Variants in APBA2 observed in about 807,000 individuals in gnomAD.
APBA2 encodes the protein amyloid-beta A4 precursor protein-binding family A member 2.
APBA2 carries 30 observed loss-of-function variants against 75.0 expected under a neutral mutation model. The ratio of observed to expected loss-of-function variants is 0.40; its 90% confidence interval spans 0.30 to 0.54. APBA2 has a LOEUF of 0.54. Among genes scored for constraint, APBA2 ranks in the 20% least tolerant of loss-of-function variants. The pLI, the probability that APBA2 is intolerant of heterozygous loss-of-function variation, is 0.49. For synonymous variants in APBA2, 444 were observed against 409.6 expected (o/e 1.08, Z -1.01); for missense variants, 801 against 1,016.1 (o/e 0.79, Z 2.88).
intron 2 of APBA2, among the ~76,000 whole-genome samples, chr15:28,964,596 T>A (rs1221889061): frequency 2.0e-5 from 3 of 151,900 alleles, no homozygotes; most frequent in Non-Finnish European, 4.4e-5. Flanking sequence ...CAAGTGATTC[T>A]CCTGCCTCAG....
chr15:28,965,706 ATCT>A (rs966868348), intron 2 of APBA2, among the ~76,000 whole-genome samples: 2 of 152,150 alleles, frequency 1.3e-5, no homozygotes, highest in African/African-American at 4.8e-5. Flanking sequence ...ATTCATAAGT[ATCT>A]TCTTGTTATC....
intron 4 of APBA2, among the ~76,000 whole-genome samples, chr15:29,068,302 G>A (rs745539162): frequency 3.9e-5 from 6 of 152,358 alleles, no homozygotes; most frequent in Middle Eastern, 3.4e-3. Flanking sequence ...TGCAGCAAAT[G>A]TGTAGAACCA....
At chr15:28,886,962 C>A (rs138827794) in intron 1 of APBA2, among the ~76,000 whole-genome samples, 1 of 152,000 alleles carries the variant, frequency 6.6e-6, no homozygotes, top group Admixed American at 6.5e-5. Context: ...TCGAGGCCCC[C>A]GGTCCCCAAG....
intron 1 of APBA2, among the ~76,000 whole-genome samples, chr15:28,909,384 T>G (rs563808561): frequency 1.3e-5 from 2 of 152,358 alleles, no homozygotes; most frequent in South Asian, 4.1e-4. Context: ...CCAACTGGCT[T>G]CTTTCACTTC....
chr15:28,924,504 A>G (rs1035965192), intron 2 of APBA2, among the ~76,000 whole-genome samples: 5 of 152,134 alleles, frequency 3.3e-5, no homozygotes, highest in Non-Finnish European at 7.3e-5. Flanking sequence ...CATAAATTAG[A>G]CATCATATAA....
intron 12 of APBA2, among the ~76,000 whole-genome samples, chr15:29,107,665 G>C (rs8032093): frequency 6.6e-6 from 1 of 152,148 alleles, no homozygotes; most frequent in Admixed American, 6.5e-5. Flanking sequence ...AGAGGGCTCA[G>C]CAGTTGAGGC....
chr15:29,078,208 C>T (rs959551007), intron 6 of APBA2, among the ~76,000 whole-genome samples: 3 of 152,066 alleles, frequency 2.0e-5, no homozygotes, highest in African/African-American at 2.4e-5. Context: ...GCAGGGGAAT[C>T]GCTTGAACCC....
chr15:29,062,751 C>G (rs1407913140), intron 4 of APBA2, among the ~76,000 whole-genome samples: 1 of 152,178 alleles, frequency 6.6e-6, no homozygotes, highest in African/African-American at 2.4e-5. Context: ...CAAACACACC[C>G]TAGTCCTCGG....
intron 2 of APBA2, among the ~76,000 whole-genome samples, chr15:28,939,488 G>C (rs1342837078): frequency 6.6e-6 from 1 of 152,014 alleles, no homozygotes; most frequent in Non-Finnish European, 1.5e-5. Flanking sequence ...AGTGTACAAG[G>C]GCTCCAATTT....
At position 28,948,921 on chromosome 15, in the gene APBA2, C is replaced by T. The variant is rs1420676143; in HGVS notation, c.-95+27172C>T. ...GTTGGTGAGGATAGGCAGGGGTGGG[C>T]GTCCAAGGCTGCAGAGTTGTAAAGC... is the stretch of plus-strand genomic sequence containing the variant. On this transcript the variant is annotated intron_variant, in intron 2 of 14. Transcript: ENST00000683413. Among the ~76,000 whole-genome samples, 5 of 142,936 alleles carry T rather than the reference C, an allele frequency of 3.5e-5. No individual in the cohort carries two copies. In the East Asian group the frequency reaches 6.1e-4, roughly 17 times the overall value. 93.8% of individuals were successfully genotyped at this position (142,936 alleles called of 152,430 possible).
intron 13 of APBA2, among the ~76,000 whole-genome samples, chr15:29,110,174 G>GC (rs1323421601): frequency 3.3e-5 from 5 of 152,222 alleles, no homozygotes; most frequent in Non-Finnish European, 7.4e-5. Flanking sequence ...CTGGGCTACT[G>GC]CACCCCCGAC....
chr15:28,986,966 C>T (rs1209051750), intron 2 of APBA2, among the ~76,000 whole-genome samples: 1 of 152,134 alleles, frequency 6.6e-6, no homozygotes, highest in African/African-American at 2.4e-5. Flanking sequence ...CATAGAAGGC[C>T]ATCTTCTCAC....
chr15:29,108,122 G>A (rs2044527132), intron 12 of APBA2, 148 bp from the exon 13 acceptor site: 9 of 1,153,708 alleles, frequency 7.8e-6, no homozygotes, highest in Non-Finnish European at 1.1e-5. Context: ...TGCACAGAGG[G>A]GCTACCGAGG....
chr15:29,027,100 ACCT>A (rs2040260390), intron 3 of APBA2, among the ~76,000 whole-genome samples: 1 of 152,170 alleles, frequency 6.6e-6, no homozygotes, highest in South Asian at 2.1e-4. Flanking sequence ...CTAATAGTGA[ACCT>A]ATTTGTTAAA....
intron 2 of APBA2, among the ~76,000 whole-genome samples, chr15:28,927,934 G>C (rs560310232): frequency 2.6e-5 from 4 of 151,016 alleles, no homozygotes; most frequent in Admixed American, 2.6e-4. Flanking sequence ...ACCTGAGGTC[G>C]GGTGTTTGAG....
At chr15:29,092,923 G>A (rs1035288925) in intron 6 of APBA2, 152 bp from the exon 7 acceptor site, 15 of 994,874 alleles carry the variant, frequency 1.5e-5, no homozygotes, top group African/African-American at 1.4e-4. Context: ...CAGACCGGCC[G>A]CCCGTGGCTG....
At chr15:28,982,133 G>T (rs1424194356) in intron 2 of APBA2, among the ~76,000 whole-genome samples, 1 of 152,134 alleles carries the variant, frequency 6.6e-6, no homozygotes, top group East Asian at 1.9e-4. Flanking sequence ...ACCTGCACGT[G>T]GACTCCCTGA....
chr15:29,013,986 A>G (rs2039532442), intron 3 of APBA2, among the ~76,000 whole-genome samples: 1 of 152,252 alleles, frequency 6.6e-6, no homozygotes, highest in Non-Finnish European at 1.5e-5. Flanking sequence ...TACTGCTGCC[A>G]TCCCTGAACT....
At chr15:28,915,243 T>TACCACACACCACACACATACCCCATACAC (rs2033632381) in intron 1 of APBA2, among the ~76,000 whole-genome samples, 4 of 46,948 alleles carry the variant, frequency 8.5e-5, no homozygotes, top group East Asian at 6.6e-4. Context: ...ACCCCATATA[T>TACCACACACCACACACATACCCCATACAC]ACCACACACC....
Sources: allele counts gnomAD v4.1 joint callset (sites outside exome capture counted in the v4.1 genomes callset), GRCh38; gene constraint gnomAD v4.1.1; transcripts MANE v1.5; gene names NCBI Gene and HGNC (gene_info 2026-07-23, HGNC 2026-07-21).